The following MICALL2 variants were observed in gnomAD, a reference collection of about 807,000 sequenced individuals.
MICALL2 encodes the protein MICAL like 2, also known as MICAL-like protein 2.
In MICALL2, 111 loss-of-function variants were observed where a neutral mutation model predicts 91.1. The observed-to-expected ratio is 1.22, with a 90% confidence interval of 1.04 to 1.43. MICALL2 has a LOEUF of 1.43. Among genes scored for constraint, MICALL2 ranks in the 40% most tolerant of loss-of-function variants. MICALL2 has a pLI of 0.00. For synonymous variants in MICALL2, 694 were observed against 525.3 expected, an observed-to-expected ratio of 1.32 and a Z score of -4.39; for missense variants, 1,556 against 1,236.0, an observed-to-expected ratio of 1.26 and a Z score of -3.88.
In MICALL2 at chr7:1,437,619, G is replaced by A. The variant is rs1433443426; in HGVS notation, c.2403-11C>T. On this transcript the variant is annotated splice_polypyrimidine_tract_variant and intron_variant, in intron 13 of 16. Coordinates refer to ENST00000297508, the MANE Select transcript of MICALL2 (RefSeq NM_182924.4). ...CGCTGGGCCTTGGACCTGCCGCACA[G>A]ACACGCGTCTGAGGCCTGACTCTGC... 8 of 1,539,098 alleles carry A rather than the reference G, an allele frequency of 5.2e-6. No homozygotes were observed. Among genetic ancestry groups the A allele is most frequent in the Middle Eastern group, 4.2e-4 (2 of 4,816 alleles).
intron 9 of MICALL2, chr7:1,439,654 G>A: frequency 2.6e-6 from 1 of 380,780 alleles, no homozygotes; most frequent in Non-Finnish European, 4.6e-6. Context: ...ACGTGCACAT[G>A]CATCACACAC....
At chr7:1,445,717 G>A (rs1006489024) in intron 5 of MICALL2, among the ~76,000 whole-genome samples, 2 of 152,178 alleles carry the variant, frequency 1.3e-5, no homozygotes, top group Non-Finnish European at 2.9e-5. Flanking sequence ...AACCCCAGAG[G>A]GTGCTTGTGC....
chr7:1,442,695 T>TG (rs1780364789), intron 6 of MICALL2, among the ~76,000 whole-genome samples: 1 of 137,808 alleles, frequency 7.3e-6, no homozygotes, highest in African/African-American at 2.5e-5. Context: ...GCTGCCCCTC[T>TG]GCCTCCCTGC....
chr7:1,439,270 G>A (rs1284965612), intron 9 of MICALL2: 2 of 468,576 alleles, frequency 4.3e-6, no homozygotes, highest in African/African-American at 2.0e-5. Flanking sequence ...GCAGCTATGA[G>A]TGCTAGGAAT....
chr7:1,459,118 T>C (rs906661425), intron 1 of MICALL2, 66 bp downstream of exon 1: 3 of 1,516,688 alleles, frequency 2.0e-6, no homozygotes, highest in Non-Finnish European at 2.7e-6. Flanking sequence ...CGGGCCTCAG[T>C]TTCCCCGCCC....
chr7:1,454,017 G>A (rs1384278596), intron 1 of MICALL2, among the ~76,000 whole-genome samples: 1 of 152,024 alleles, frequency 6.6e-6, no homozygotes, highest in Non-Finnish European at 1.5e-5. Context: ...CCCTCTAACT[G>A]ACCCACGACC....
chr7:1,435,162 G>C lies in MICALL2; in HGVS notation c.2592-15C>G. On this transcript the variant is annotated splice_polypyrimidine_tract_variant and intron_variant, in intron 15 of 16. Transcript: ENST00000297508. ...CCTCTTGTTCCCTGAAACGGGACCA[G>C]ATGGCCATGAGCGACAATGGCAATG... The C allele has an allele frequency of 1.2e-6, 2 of 1,613,330 alleles. No homozygotes were observed. Among genetic ancestry groups the C allele is most frequent in the East Asian group, 2.2e-5 (1 of 44,882 alleles).
At position 1,445,155 on chromosome 7, in the gene MICALL2, G is replaced by A. The variant is rs772993443; in HGVS notation, c.915C>T (p.Asn305=). The change falls in exon 6 of 17, where the codon AAC becomes AAT. Residue 305 remains asparagine, a synonymous_variant. Coordinates refer to ENST00000297508, the MANE Select transcript of MICALL2 (RefSeq NM_182924.4). ...PARASVPAAP[N]PAATSATSVH... Reference sequence around the variant, plus strand: ...CGGACGTGGCGCTGGTGGCTGCAGGGTTGGGTGCAGCTGGAACGGAAGCCC... The same window carrying A: ...CGGACGTGGCGCTGGTGGCTGCAGGATTGGGTGCAGCTGGAACGGAAGCCC... 2.4e-4 allele frequency: 379 copies of A among 1,576,244 alleles called. 2 individuals are homozygous for A. Among genetic ancestry groups the A allele is most frequent in the Non-Finnish European group, 2.8e-5 (33 of 1,161,998 alleles).
rs751273629 is a variant in MICALL2, at chr7:1,434,474, C to T, written c.*122G>A. 1.7e-5 allele frequency: 15 copies of T among 865,912 alleles called. No homozygotes were observed. The highest frequency in any genetic ancestry group is 5.5e-5 in the South Asian group (4 of 73,260). The allele number at this position is 865,912 out of a possible 1,614,324, so 53.6% of individuals were successfully genotyped here. A position where few individuals can be genotyped will look rare whatever the true frequency, so the allele number is the denominator to read the frequency against. On this transcript the variant is annotated 3_prime_UTR_variant, in exon 17 of 17. Transcript: ENST00000297508. Reference sequence around the variant, plus strand: ...CCTTCCCGAGTCCAAGTCCGAATGCCGGGTCCGGGCCGAGCCCACGGCCCC... The same window carrying T: ...CCTTCCCGAGTCCAAGTCCGAATGCTGGGTCCGGGCCGAGCCCACGGCCCC...
chr7:1,442,054 T>A (rs1780305434), intron 7 of MICALL2, 138 bp downstream of exon 7: 2 of 997,762 alleles, frequency 2.0e-6, no homozygotes, highest in Non-Finnish European at 3.0e-6. Flanking sequence ...CGAGCAGGTG[T>A]CACGGAGGAC....
chr7:1,446,629 G>T, intron 5 of MICALL2, 84 bp downstream of exon 5: 1 of 953,962 alleles, frequency 1.0e-6, no homozygotes, highest in East Asian at 2.7e-5. Flanking sequence ...GGAGGAGGAG[G>T]CCGGGTGGGA....
intron 7 of MICALL2, 135 bp from the exon 8 acceptor site, chr7:1,440,819 G>A: frequency 2.8e-6 from 2 of 701,786 alleles, no homozygotes; most frequent in South Asian, 3.3e-5. Flanking sequence ...CAGCCGGCCG[G>A]GGGGCATCAG....
At chr7:1,450,827 G>A (rs888999804) in intron 1 of MICALL2, among the ~76,000 whole-genome samples, 2 of 152,212 alleles carry the variant, frequency 1.3e-5, no homozygotes, top group African/African-American at 4.8e-5. Flanking sequence ...ACACATCATC[G>A]CTTCTGTTGT....
chr7:1,458,251 G>T lies in MICALL2; in HGVS notation c.143+933C>A, dbSNP rs113178950. Among the ~76,000 whole-genome samples the T allele has an allele frequency of 3.4e-3, 521 of 152,286 alleles. 2 individuals are homozygous for T. Among genetic ancestry groups the T allele is most frequent in the African/African-American group, 0.012 (499 of 41,556 alleles). On this transcript the variant is annotated intron_variant, in intron 1 of 16. Coordinates refer to ENST00000297508, the MANE Select transcript of MICALL2 (RefSeq NM_182924.4). ...AGCAAGGACCCCTCCTCTTAGCCTCGGTTCTCTGGTCTGCACAGCTGCGGC... is the reference window on the plus strand; with the variant it reads ...AGCAAGGACCCCTCCTCTTAGCCTCTGTTCTCTGGTCTGCACAGCTGCGGC...
At chr7:1,435,759 A>T (rs1330374194) in intron 15 of MICALL2, among the ~76,000 whole-genome samples, 3 of 152,228 alleles carry the variant, frequency 2.0e-5, no homozygotes, top group African/African-American at 4.8e-5. Context: ...GTTCAAGTTA[A>T]AAACTAAGAC....
intron 1 of MICALL2, among the ~76,000 whole-genome samples, chr7:1,454,941 G>T (rs1214671912): frequency 6.6e-6 from 1 of 152,190 alleles, no homozygotes; most frequent in African/African-American, 2.4e-5. Context: ...GAGCTGCAGG[G>T]ACCAGGAAAA....
chr7:1,457,690 G>T (rs996584150), intron 1 of MICALL2, among the ~76,000 whole-genome samples: 2 of 152,346 alleles, frequency 1.3e-5, no homozygotes, highest in African/African-American at 4.8e-5. Context: ...GTACAGAGAA[G>T]CTCCCCAGGA....
chr7:1,456,260 A>T (rs1781011125), intron 1 of MICALL2, among the ~76,000 whole-genome samples: 1 of 147,212 alleles, frequency 6.8e-6, no homozygotes, highest in Admixed American at 6.7e-5. Flanking sequence ...ATCTCAATTT[A>T]AAAAAGAAAC....
At chr7:1,447,932 G>A (rs1345441689) in intron 3 of MICALL2, 167 bp from the exon 4 acceptor site, 9 of 495,134 alleles carry the variant, frequency 1.8e-5, no homozygotes, top group East Asian at 6.8e-5. Context: ...GCACAGCCCC[G>A]GGTCGGTCCC....
Sources: allele counts gnomAD v4.1 joint callset (sites outside exome capture counted in the v4.1 genomes callset), GRCh38; gene constraint gnomAD v4.1.1; transcripts MANE v1.5; gene names NCBI Gene and HGNC (gene_info 2026-07-23, HGNC 2026-07-21).